ARB2A: variants seen among roughly 807,000 people sequenced by gnomAD.
The protein encoded by ARB2A is cotranscriptional regulator ARB2A.
At chr5:93,720,202 A>C in the ARB2A span, among the ~76,000 whole-genome samples, 5 of 152,224 alleles carry the variant, frequency 3.3e-5, 1 homozygote. Flanking sequence ...ATTCTAATCT[A>C]TCCAATGTAA....
the ARB2A span, among the ~76,000 whole-genome samples, chr5:94,014,633 T>C: frequency 6.6e-6 from 1 of 152,158 alleles, no homozygotes; most frequent in African/African-American, 2.4e-5. Flanking sequence ...GGCAGCTCAT[T>C]GATATCCAAC....
the ARB2A span, among the ~76,000 whole-genome samples, chr5:93,813,713 T>G: frequency 6.6e-6 from 1 of 152,136 alleles, no homozygotes; most frequent in Non-Finnish European, 1.5e-5. Flanking sequence ...TGCTGGTACT[T>G]TTATTTTGGG....
At chr5:93,633,113 C>A in the ARB2A span, among the ~76,000 whole-genome samples, 1 of 152,206 alleles carries the variant, frequency 6.6e-6, no homozygotes, top group South Asian at 2.1e-4. Context: ...TACCTCACAG[C>A]CTGAGTCATC....
the ARB2A span, among the ~76,000 whole-genome samples, chr5:93,868,163 T>A: frequency 6.6e-6 from 1 of 151,606 alleles, no homozygotes; most frequent in African/African-American, 2.4e-5. Context: ...ATACAAAAAA[T>A]AAAAAAAATT....
chr5:93,776,747 C>T, the ARB2A span, among the ~76,000 whole-genome samples: 10 of 152,062 alleles, frequency 6.6e-5, no homozygotes, highest in Non-Finnish European at 1.3e-4. Flanking sequence ...CATTGCACTC[C>T]AGCCTGGGTG....
the ARB2A span, among the ~76,000 whole-genome samples, chr5:93,651,756 G>A: frequency 6.6e-6 from 1 of 152,044 alleles, no homozygotes; most frequent in Non-Finnish European, 1.5e-5. Context: ...TAATGCATAT[G>A]GATGTAAGAG....
chr5:93,797,996 G>A, the ARB2A span, among the ~76,000 whole-genome samples: 3 of 152,068 alleles, frequency 2.0e-5, no homozygotes, highest in Non-Finnish European at 4.4e-5. Context: ...GAAGTCAAAA[G>A]AAGAAATCTA....
the ARB2A span, among the ~76,000 whole-genome samples, chr5:93,707,576 C>CTTTTTTTTTTTT: frequency 7.2e-6 from 1 of 138,060 alleles, no homozygotes; most frequent in Non-Finnish European, 1.6e-5. Flanking sequence ...TTTTTTCTTT[C>CTTTTTTTTTTTT]TTTTTTTTTT....
chr5:93,885,720 T>G, the ARB2A span, among the ~76,000 whole-genome samples: 1 of 151,684 alleles, frequency 6.6e-6, no homozygotes, highest in South Asian at 2.1e-4. Context: ...TTGCTATAAT[T>G]CTACTTTCAT....
At chr5:93,628,052 ATTTT>A in the ARB2A span, among the ~76,000 whole-genome samples, 277 of 68,330 alleles carry the variant, frequency 4.1e-3, 3 homozygotes, top group African/African-American at 0.016. Context: ...ATGTAGCATA[ATTTT>A]TTTTTTTTTT....
At chr5:93,783,862 G>A in the ARB2A span, among the ~76,000 whole-genome samples, 3 of 152,110 alleles carry the variant, frequency 2.0e-5, no homozygotes, top group African/African-American at 7.2e-5. Flanking sequence ...CTGAACCATG[G>A]CTAGCCCCTG....
At chr5:94,068,861 A>G in the ARB2A span, among the ~76,000 whole-genome samples, 1 of 136,520 alleles carries the variant, frequency 7.3e-6, no homozygotes, top group African/African-American at 2.7e-5. Context: ...TACTAAAAAT[A>G]CAAAAAAAAA....
the ARB2A span, among the ~76,000 whole-genome samples, chr5:93,870,554 G>A: frequency 1.3e-5 from 2 of 152,168 alleles, no homozygotes; most frequent in African/African-American, 4.8e-5. Flanking sequence ...ATTCTTTCAG[G>A]GGACCTGCAA....
the ARB2A span, among the ~76,000 whole-genome samples, chr5:93,850,552 T>G: frequency 6.6e-6 from 1 of 152,174 alleles, no homozygotes; most frequent in Non-Finnish European, 1.5e-5. Context: ...GATTAGAGAA[T>G]GTCACTAAGT....
the ARB2A span, among the ~76,000 whole-genome samples, chr5:93,841,779 T>G: frequency 2.0e-5 from 3 of 152,150 alleles, no homozygotes; most frequent in Non-Finnish European, 4.4e-5. Context: ...CTATTCTTTA[T>G]AGTAATGAAT....
chr5:93,968,998 A>G, the ARB2A span, among the ~76,000 whole-genome samples: 14 of 151,338 alleles, frequency 9.3e-5, no homozygotes, highest in Non-Finnish European at 1.9e-4. Flanking sequence ...GAGACAAATA[A>G]AAATTTAGGG....
At chr5:94,040,050 A>T in the ARB2A span, among the ~76,000 whole-genome samples, 1 of 152,180 alleles carries the variant, frequency 6.6e-6, no homozygotes, top group South Asian at 2.1e-4. Context: ...AAAGGCAAGG[A>T]CCAACTTTGG....
chr5:93,876,774 AT>A, the ARB2A span, among the ~76,000 whole-genome samples: 1 of 152,122 alleles, frequency 6.6e-6, no homozygotes, highest in Non-Finnish European at 1.5e-5. Flanking sequence ...CTAGATAGAA[AT>A]GACTTCAATG....
At chr5:94,042,692 T>C in the ARB2A span, among the ~76,000 whole-genome samples, 1 of 152,176 alleles carries the variant, frequency 6.6e-6, no homozygotes, top group East Asian at 1.9e-4. Context: ...TAAAATTGGG[T>C]AGATATGTCT....
Sources: gnomAD v4.1 joint callset for allele counts (sites outside exome capture counted in the v4.1 genomes callset) on GRCh38, gnomAD v4.1.1 for gene constraint, MANE v1.5 for transcripts, NCBI Gene and HGNC (gene_info 2026-07-23, HGNC 2026-07-21) for gene names.